Variants in NBPF3 observed in about 807,000 individuals in gnomAD.
NBPF3 encodes NBPF member 3, also known as NBPF family member NBPF3.
NBPF3 carries 57 observed loss-of-function variants against 78.1 expected under a neutral mutation model. That is an observed-to-expected ratio of 0.73 (90% CI 0.59 to 0.91). The LOEUF (loss-of-function observed/expected upper bound fraction) is 0.91. Among genes scored for constraint, NBPF3 ranks in the 40% least tolerant of loss-of-function variants. The pLI is 0.00. For synonymous variants in NBPF3, 182 were observed against 271.7 expected (o/e 0.67, Z 3.25); for missense variants, 510 against 715.3 (o/e 0.71, Z 3.27).
intron 2 of NBPF3, among the ~76,000 whole-genome samples, chr1:21,462,210 G>A (rs1272233808): frequency 4.6e-5 from 7 of 152,160 alleles, no homozygotes; most frequent in African/African-American, 1.4e-4. Context: ...TTACGCAGCC[G>A]CCGGTATTCC....
intron 2 of NBPF3, among the ~76,000 whole-genome samples, chr1:21,448,545 G>A (rs1294848971): frequency 6.6e-6 from 1 of 152,128 alleles, no homozygotes; most frequent in Non-Finnish European, 1.5e-5. Context: ...GTAGCTTAAT[G>A]TAAGTCCTGA....
intron 2 of NBPF3, among the ~76,000 whole-genome samples, chr1:21,465,558 A>G (rs1288459133): frequency 6.6e-6 from 1 of 152,246 alleles, no homozygotes; most frequent in East Asian, 1.9e-4. Context: ...GAGGGAACCT[A>G]GAAGTAAAGG....
chr1:21,472,958 T>C (rs540931702), intron 6 of NBPF3, 43 bp downstream of exon 6: 2 of 1,439,314 alleles, frequency 1.4e-6, no homozygotes, highest in South Asian at 1.1e-5. Flanking sequence ...TGGTAACATA[T>C]GAAAAAGGTC....
intron 3 of NBPF3, among the ~76,000 whole-genome samples, chr1:21,469,464 C>T (rs1642466425): frequency 1.3e-5 from 2 of 152,184 alleles, no homozygotes; most frequent in African/African-American, 4.8e-5. Context: ...CGGTGGCTCA[C>T]TCCTGTAATC....
chr1:21,480,101 C>CA lies in NBPF3; in HGVS notation c.1260dup (p.Leu421ThrfsTer3), dbSNP rs760681842. On this transcript the variant is annotated frameshift_variant, in exon 11 of 15. Transcript: ENST00000318249. LOFTEE classifies it high-confidence loss of function. ...AAAGAGCCTGAAGTCTTGCAGGACT[C>CA]ACTGGATAGATTTTATTCAACTCCT... 6.2e-6 allele frequency: 7 copies of CA among 1,133,042 alleles called. No homozygotes were observed. The East Asian group carries it at 1.2e-4, about 20-fold the overall frequency. 70.2% of individuals were successfully genotyped at this position (1,133,042 alleles called of 1,614,324 possible). A position where few individuals can be genotyped will look rare whatever the true frequency, so the allele number is the denominator to read the frequency against.
In NBPF3 at chr1:21,480,240, G is replaced by A; in HGVS notation, c.1381+17G>A. ...ACTTGGACAGTGAGTACCTTACTAT[G>A]AAGGTGATAAGACTCCACCTGGTCC... On this transcript the variant is annotated intron_variant, in intron 11 of 14. Coordinates refer to ENST00000318249, the MANE Select transcript of NBPF3 (RefSeq NM_032264.6). The A allele has an allele frequency of 8.9e-7, 1 of 1,129,388 alleles. No homozygotes were observed. Among genetic ancestry groups the A allele is most frequent in the Non-Finnish European group, 1.3e-6 (1 of 766,970 alleles). 70.0% of individuals were successfully genotyped at this position (1,129,388 alleles called of 1,614,324 possible).
intron 2 of NBPF3, among the ~76,000 whole-genome samples, chr1:21,449,458 C>T (rs1236786044): frequency 6.6e-6 from 1 of 150,422 alleles, no homozygotes; most frequent in Non-Finnish European, 1.5e-5. Flanking sequence ...AACGAACCAT[C>T]TTTATTTATT....
At chr1:21,440,123 G>A (rs1200679735), upstream of NBPF3, 1 of 152,236 alleles carries the variant, frequency 6.6e-6, no homozygotes, top group Non-Finnish European at 1.5e-5. Context: ...GCAGGCGCAG[G>A]CGCAGGCGCA....
At chr1:21,469,682 G>A (rs747873760) in intron 3 of NBPF3, among the ~76,000 whole-genome samples, 8 of 152,152 alleles carry the variant, frequency 5.3e-5, no homozygotes, top group African/African-American at 1.7e-4. Context: ...CCAAGAACAC[G>A]CCATTGCACT....
Position 21,470,636 on chromosome 1 carries a change from T to G in NBPF3, c.348T>G (p.Tyr116Ter). 6.3e-7 allele frequency: 1 copy of G among 1,592,652 alleles called. No individual in the cohort carries two copies. Among genetic ancestry groups the G allele is most frequent in the Non-Finnish European group, 8.6e-7 (1 of 1,165,912 alleles). Residue 116 changes from tyrosine (Y) to a stop codon, truncating the protein, a stop_gained, in exon 4 of 15, where the codon TAT (tyrosine) becomes TAG (stop). Coordinates refer to ENST00000318249, the MANE Select transcript of NBPF3 (RefSeq NM_032264.6). LOFTEE classifies it high-confidence loss of function. Reference sequence around the variant, plus strand: ...GGCGTGTGTGTCTTTTCTCAGACTATGAAGACTGCAAAGACCTCATAAAAT... The same window carrying G: ...GGCGTGTGTGTCTTTTCTCAGACTAGGAAGACTGCAAAGACCTCATAAAAT... The part of the protein sequence containing the change: ...FLANRQNNYD[Y>*]EDCKDLIKSM...
intron 2 of NBPF3, among the ~76,000 whole-genome samples, chr1:21,456,229 ACAAT>A (rs944811943): frequency 6.6e-6 from 1 of 152,226 alleles, no homozygotes; most frequent in Non-Finnish European, 1.5e-5. Flanking sequence ...ATTAATTCAC[ACAAT>A]CAATGACACA....
chr1:21,470,850 A>T, intron 4 of NBPF3, 116 bp downstream of exon 4: 2 of 624,736 alleles, frequency 3.2e-6, no homozygotes, highest in South Asian at 3.3e-5. Flanking sequence ...AGGAATTGCC[A>T]TGGCAGGCTC....
chr1:21,437,667 A>G (rs1390958396), upstream of NBPF3: 1 of 262,938 alleles, frequency 3.8e-6, no homozygotes, highest in East Asian at 9.8e-5. Flanking sequence ...ACATTTATTT[A>G]TTTTTGGGAT....
intron 7 of NBPF3, among the ~76,000 whole-genome samples, chr1:21,474,620 C>T (rs1203742268): frequency 3.3e-5 from 5 of 152,076 alleles, no homozygotes; most frequent in Non-Finnish European, 5.9e-5. Context: ...CAATTATTGG[C>T]GACTTTGGGG....
Position 21,444,971 on chromosome 1 carries a change from T to G in NBPF3, c.-116T>G. On this transcript the variant is annotated 5_prime_UTR_variant, in exon 2 of 15. An upstream open reading frame in the 5' UTR gains an earlier in-frame stop. Transcript: ENST00000318249. ...AGGCAATCTGAAGGCAAATCCTGTTTAGACCCAGGCGAAGGTTCCTGGTGA... is the reference window on the plus strand; with the variant it reads ...AGGCAATCTGAAGGCAAATCCTGTTGAGACCCAGGCGAAGGTTCCTGGTGA... 8.5e-7 allele frequency: 1 copy of G among 1,171,728 alleles called. No individual in the cohort carries two copies. Among genetic ancestry groups the G allele is most frequent in the Admixed American group, 2.4e-5 (1 of 40,966 alleles). 72.6% of individuals were successfully genotyped at this position (1,171,728 alleles called of 1,614,324 possible).
At chr1:21,454,404 G>A (rs1199195129) in intron 2 of NBPF3, 1 of 152,134 alleles carries the variant, frequency 6.6e-6, no homozygotes, top group African/African-American at 2.4e-5. Context: ...CCAGTTCAGA[G>A]ACTTGGAGCT....
In NBPF3 at chr1:21,479,848, G is replaced by GTGTGTGTGTGTA. The variant is rs746655034; in HGVS notation, c.1209-198_1209-197insGTGTGTATGTGT. Among the ~76,000 whole-genome samples the GTGTGTGTGTGTA allele has an allele frequency of 1.8e-3, 220 of 121,684 alleles. 3 individuals carry two copies. The highest frequency in any genetic ancestry group is 5.6e-3 in the East Asian group (22 of 3,908). 79.8% of individuals were successfully genotyped at this position (121,684 alleles called of 152,430 possible). A position where few individuals can be genotyped will look rare whatever the true frequency, so the allele number is the denominator to read the frequency against. On this transcript the variant is annotated intron_variant, in intron 10 of 14. Transcript: ENST00000318249. The stretch of plus-strand genomic sequence containing the variant: ...TGTGTGTGTGTGTGTGTGTGTGTGT[G>GTGTGTGTGTGTA]TGTGTATGTGTATGTCTTTCTCTTT...
At chr1:21,467,604 A>T (rs1340148303) in intron 2 of NBPF3, among the ~76,000 whole-genome samples, 1 of 152,172 alleles carries the variant, frequency 6.6e-6, no homozygotes, top group Non-Finnish European at 1.5e-5. Flanking sequence ...TTCCATAAGA[A>T]CCGCCGCTCA....
intron 1 of NBPF3, among the ~76,000 whole-genome samples, chr1:21,441,921 T>G (rs1640676437): frequency 6.6e-6 from 1 of 152,204 alleles, no homozygotes; most frequent in South Asian, 2.1e-4. Context: ...ACATCCTCGC[T>G]GATGCCTGTC....
Sources: allele counts gnomAD v4.1 joint callset (sites outside exome capture counted in the v4.1 genomes callset), GRCh38; gene constraint gnomAD v4.1.1; transcripts MANE v1.5; gene names NCBI Gene and HGNC (gene_info 2026-07-23, HGNC 2026-07-21).